The following MYO3B variants were observed in gnomAD, a reference collection of about 807,000 sequenced individuals.
MYO3B encodes myosin-IIIb.
MYO3B carries 156 observed loss-of-function variants against 174.6 expected under a neutral mutation model. The observed-to-expected ratio is 0.89, with a 90% CI of 0.78 to 1.02. The LOEUF (loss-of-function observed/expected upper bound fraction) is 1.02, where lower values mean the gene tolerates loss of function less well. Ranked by LOEUF, MYO3B falls within the 50% of genes least tolerant of loss-of-function variation. The pLI, the probability that MYO3B is intolerant of heterozygous loss-of-function variation, is 0.00. For synonymous variants in MYO3B, 563 were observed against 569.1 expected, an observed-to-expected ratio of 0.99 and a Z score of 0.15; for missense variants, 1,632 against 1,639.4, an observed-to-expected ratio of 1.00 and a Z score of 0.08.
rs188862992 is a variant in MYO3B, at chr2:170,651,710, C to A, written c.3816C>A (p.Asp1272Glu). 6.2e-7 allele frequency: 1 copy of A among 1,614,026 alleles called. No homozygotes were observed. The highest frequency in any genetic ancestry group is 8.5e-7 in the Non-Finnish European group (1 of 1,179,946). The change falls in exon 33 of 35, where the codon GAC (aspartate) becomes GAA (glutamate). Residue 1272 changes from aspartate to glutamate, a missense_variant. Transcript: ENST00000408978. ...QQPKMLSSPE[D>E]TMYYNQLNGT... is the part of the protein sequence containing the mutation. ...CCAAAATGCTGAGTAGCCCTGAGGACACCATGTACTATAACCAGTTAAATG... is the reference window on the plus strand; with the variant it reads ...CCAAAATGCTGAGTAGCCCTGAGGAAACCATGTACTATAACCAGTTAAATG...
Position 170,498,577 on chromosome 2 carries a change from T to C in MYO3B, c.3015-15T>C. On this transcript the variant is annotated splice_polypyrimidine_tract_variant and intron_variant, in intron 25 of 34. Transcript: ENST00000408978. ...GGTGACTGAAAAGGCTTCACTTAAT[T>C]CTTTTATTTTGCAGGTATTATTACT... 6.3e-7 allele frequency: 1 copy of C among 1,578,368 alleles called. No individual in the cohort carries two copies. Among genetic ancestry groups the C allele is most frequent in the Non-Finnish European group, 8.7e-7 (1 of 1,147,928 alleles).
chr2:170,321,037 A>G (rs1246613539), intron 7 of MYO3B, among the ~76,000 whole-genome samples: 1 of 152,160 alleles, frequency 6.6e-6, no homozygotes, highest in African/African-American at 2.4e-5. Context: ...GTAGTGCCCT[A>G]TGATCATGCC....
At chr2:170,511,509 C>T (rs771008100) in intron 28 of MYO3B, among the ~76,000 whole-genome samples, 3 of 152,270 alleles carry the variant, frequency 2.0e-5, no homozygotes, top group Non-Finnish European at 4.4e-5. Flanking sequence ...TTATTTTATA[C>T]TTTTGCATAG....
chr2:170,555,338 T>C (rs147409276), intron 32 of MYO3B, among the ~76,000 whole-genome samples: 1 of 152,290 alleles, frequency 6.6e-6, no homozygotes, highest in Non-Finnish European at 1.5e-5. Context: ...CTTTGACAAA[T>C]GCGTAATGAC....
intron 23 of MYO3B, among the ~76,000 whole-genome samples, chr2:170,451,154 T>C (rs1816669): frequency 0.08 from 12,133 of 152,306 alleles, 571 homozygotes; most frequent in Non-Finnish European, 0.1. Context: ...TTCTATACCT[T>C]GCAACCTTGC....
intron 22 of MYO3B, among the ~76,000 whole-genome samples, chr2:170,433,268 A>C (rs560054483): frequency 6.6e-6 from 1 of 152,360 alleles, no homozygotes; most frequent in South Asian, 2.1e-4. Flanking sequence ...ACAAAACAAA[A>C]AAAAGAGAAA....
intron 23 of MYO3B, among the ~76,000 whole-genome samples, chr2:170,445,501 C>G (rs903193329): frequency 6.6e-6 from 1 of 152,106 alleles, no homozygotes; most frequent in African/African-American, 2.4e-5. Context: ...ACCACCTGGC[C>G]TAGCTAATTT....
intron 25 of MYO3B, among the ~76,000 whole-genome samples, chr2:170,488,378 C>T (rs973743791): frequency 1.3e-5 from 2 of 152,052 alleles, no homozygotes; most frequent in African/African-American, 2.4e-5. Context: ...GGTATGAAGA[C>T]TGCCTACCTC....
intron 12 of MYO3B, among the ~76,000 whole-genome samples, chr2:170,384,958 C>T (rs972851023): frequency 3.3e-5 from 5 of 152,148 alleles, no homozygotes; most frequent in African/African-American, 1.2e-4. Flanking sequence ...AGCCGAATAC[C>T]AGTCCAGGGG....
chr2:170,634,448 CACCTTAT>C (rs965326479), intron 32 of MYO3B, among the ~76,000 whole-genome samples: 12 of 151,844 alleles, frequency 7.9e-5, no homozygotes, highest in African/African-American at 2.7e-4. Flanking sequence ...CCCTTCCTTA[CACCTTAT>C]ACAAAAATTA....
At chr2:170,450,839 C>T (rs921669026) in intron 23 of MYO3B, among the ~76,000 whole-genome samples, 2 of 152,178 alleles carry the variant, frequency 1.3e-5, no homozygotes, top group Admixed American at 1.3e-4. Context: ...GCTATTCAGA[C>T]ACATGGGCCC....
chr2:170,443,742 G>T lies in MYO3B; in HGVS notation c.2651-225G>T, dbSNP rs561274025. Reference sequence around the variant, plus strand: ...TTTATGTTCTTTTTGCTTATAAAATGAATATAAATTCAATTTATAAGTTAC... The same window carrying T: ...TTTATGTTCTTTTTGCTTATAAAATTAATATAAATTCAATTTATAAGTTAC... On this transcript the variant is annotated intron_variant, in intron 22 of 34. Coordinates refer to ENST00000408978, the MANE Select transcript of MYO3B (RefSeq NM_138995.5). 3.3e-4 allele frequency among the ~76,000 whole-genome samples: 47 copies of T among 141,180 alleles called. 1 individual carries two copies. In the East Asian group the frequency reaches 8.0e-3, roughly 24 times the overall value. The allele number at this position is 141,180 out of a possible 152,430, so 92.6% of individuals were successfully genotyped here. A position where few individuals can be genotyped will look rare whatever the true frequency, so the allele number is the denominator to read the frequency against.
At chr2:170,250,646 G>A (rs1224675927) in intron 7 of MYO3B, among the ~76,000 whole-genome samples, 2 of 152,138 alleles carry the variant, frequency 1.3e-5, no homozygotes, top group African/African-American at 4.8e-5. Flanking sequence ...AAGGGTAGAG[G>A]GCCAGTGTGA....
chr2:170,335,340 A>T (rs201715343), intron 7 of MYO3B, 45 bp from the exon 8 acceptor site: 1 of 1,441,516 alleles, frequency 6.9e-7, no homozygotes, highest in Non-Finnish European at 9.6e-7. Flanking sequence ...TTTGCCTTTA[A>T]TGAAATTCTT....
At chr2:170,452,024 A>T (rs1683621560) in intron 23 of MYO3B, among the ~76,000 whole-genome samples, 1 of 152,140 alleles carries the variant, frequency 6.6e-6, no homozygotes, top group Non-Finnish European at 1.5e-5. Flanking sequence ...CTCATCTCTC[A>T]GTGGAAGGTG....
At chr2:170,195,361 C>T (rs556202613) in intron 1 of MYO3B, among the ~76,000 whole-genome samples, 2 of 152,168 alleles carry the variant, frequency 1.3e-5, no homozygotes, top group East Asian at 3.9e-4. Context: ...CAGAACGGCA[C>T]AGCAGAGAGA....
chr2:170,580,736 G>GTGTT (rs1347560728), intron 32 of MYO3B, among the ~76,000 whole-genome samples: 10 of 150,418 alleles, frequency 6.6e-5, no homozygotes, highest in African/African-American at 2.2e-4. Context: ...GTGTGTGTGT[G>GTGTT]TGTGTGTGTG....
At chr2:170,570,222 A>G (rs1692347538) in intron 32 of MYO3B, among the ~76,000 whole-genome samples, 1 of 152,298 alleles carries the variant, frequency 6.6e-6, no homozygotes, top group South Asian at 2.1e-4. Context: ...TTAGAGAGAA[A>G]ACCAACTTTG....
intron 11 of MYO3B, 101 bp from the exon 12 acceptor site, chr2:170,383,609 C>A: frequency 1.1e-6 from 1 of 874,062 alleles, no homozygotes; most frequent in Non-Finnish European, 1.9e-6. Context: ...CCTAATGCAA[C>A]AAGTACCCTA....
Sources: allele counts gnomAD v4.1 joint callset (sites outside exome capture counted in the v4.1 genomes callset), GRCh38; gene constraint gnomAD v4.1.1; transcripts MANE v1.5; gene names NCBI Gene and HGNC (gene_info 2026-07-23, HGNC 2026-07-21).